ARHGEF11: variants seen among roughly 807,000 people sequenced by gnomAD.
The protein encoded by ARHGEF11 is Rho guanine nucleotide exchange factor 11.
Under a neutral mutation model 193.7 loss-of-function variants are expected in ARHGEF11, and 55 were observed. That is an observed-to-expected ratio of 0.28 (90% CI 0.23 to 0.36). ARHGEF11 has a LOEUF of 0.36. ARHGEF11 is among the 10% of genes least tolerant of loss of function. ARHGEF11 has a pLI of 1.00. For synonymous variants in ARHGEF11, 693 were observed against 768.0 expected (o/e 0.90, Z 1.62); for missense variants, 1,723 against 2,005.6 (o/e 0.86, Z 2.69).
chr1:157,018,649 G>GA (rs1052018208), intron 1 of ARHGEF11, among the ~76,000 whole-genome samples: 241 of 76,460 alleles, frequency 3.2e-3, no homozygotes, highest in Admixed American at 3.6e-3. Context: ...GTCTCAAAAA[G>GA]AAAAAAAAAA....
chr1:156,939,733 T>C lies in ARHGEF11; in HGVS notation c.3911A>G (p.Asn1304Ser). 2 of 1,614,076 alleles carry C rather than the reference T, an allele frequency of 1.2e-6. No individual in the cohort carries two copies. Among genetic ancestry groups the C allele is most frequent in the South Asian group, 1.1e-5 (1 of 91,078 alleles). Residue 1304 changes from asparagine (N) to serine (S), a missense_variant, in exon 37 of 41, where the codon AAC becomes AGC. By Grantham distance (46) the Asn-to-Ser change is conservative. Coordinates refer to ENST00000368194, the MANE Select transcript of ARHGEF11 (RefSeq NM_198236.3). ...CCCCTCCAGCCCTGCAAGCTGGGTGTTGTCCCCTTCACCCCCAGGGGGTGC... is the reference window on the plus strand; with the variant it reads ...CCCCTCCAGCCCTGCAAGCTGGGTGCTGTCCCCTTCACCCCCAGGGGGTGC... ...GQAPPGGEGD[N>S]TQLAGLEGER...
intron 7 of ARHGEF11, among the ~76,000 whole-genome samples, chr1:156,975,942 T>TTAATACTGGTTG (rs1372449708): frequency 1.3e-5 from 2 of 152,222 alleles, no homozygotes; most frequent in African/African-American, 4.8e-5. Flanking sequence ...CTTGAACCAG[T>TTAATACTGGTTG]ATTATACTGT....
At chr1:156,991,358 C>T (rs577607284) in intron 1 of ARHGEF11, among the ~76,000 whole-genome samples, 2 of 152,296 alleles carry the variant, frequency 1.3e-5, no homozygotes, top group Non-Finnish European at 2.9e-5. Context: ...TTCACTCCGT[C>T]GCCCAGACTA....
At chr1:156,952,104 A>G (rs898074031) in intron 21 of ARHGEF11, among the ~76,000 whole-genome samples, 1 of 152,136 alleles carries the variant, frequency 6.6e-6, no homozygotes, top group African/African-American at 2.4e-5. Flanking sequence ...TTGCCAAAAT[A>G]TATCAGACAT....
chr1:156,986,332 C>T (rs1664915819), intron 1 of ARHGEF11, among the ~76,000 whole-genome samples, 159 bp from the exon 2 acceptor site: 1 of 152,132 alleles, frequency 6.6e-6, no homozygotes, highest in Non-Finnish European at 1.5e-5. Flanking sequence ...GCCATGTGTA[C>T]ACCACTGGTA....
chr1:156,936,812 T>G lies in ARHGEF11; in HGVS notation c.4630+4A>C. On this transcript the variant is annotated splice_donor_region_variant and intron_variant, in intron 40 of 40. Coordinates refer to ENST00000368194, the MANE Select transcript of ARHGEF11 (RefSeq NM_198236.3). ...GGAACCGAGAGGGACCTGGCTTCAC[T>G]CACCATCCTCAGGGCAGGGCCCCAG... 6.2e-7 allele frequency: 1 copy of G among 1,611,800 alleles called. No homozygotes were observed. The highest frequency in any genetic ancestry group is 8.5e-7 in the Non-Finnish European group (1 of 1,178,556).
intron 1 of ARHGEF11, among the ~76,000 whole-genome samples, chr1:157,012,319 G>A (rs548774720): frequency 1.1e-4 from 16 of 152,202 alleles, no homozygotes; most frequent in African/African-American, 3.1e-4. Flanking sequence ...TGGCTAACTG[G>A]GGCAGGGATG....
At chr1:156,961,802 G>A in intron 13 of ARHGEF11, 27 bp from the exon 14 acceptor site, 1 of 1,599,792 alleles carries the variant, frequency 6.3e-7, no homozygotes, top group South Asian at 1.1e-5. Context: ...CTGGGTTAGA[G>A]CAGTGGTTCT....
At chr1:157,046,231 G>GCCGCCA (rs766191450), upstream of ARHGEF11, among the ~76,000 whole-genome samples, 11,337 of 143,978 alleles carry the variant, frequency 0.079, 519 homozygotes, top group Non-Finnish European at 0.096. Context: ...CGTCCCCGCC[G>GCCGCCA]CCGCCACCGC....
In ARHGEF11 at chr1:156,970,014, G is replaced by T; in HGVS notation, c.732C>A (p.Ser244Arg). 6.2e-7 allele frequency: 1 copy of T among 1,614,006 alleles called. No individual in the cohort carries two copies. Among genetic ancestry groups the T allele is most frequent in the Non-Finnish European group, 8.5e-7 (1 of 1,179,904 alleles). Reference sequence around the variant, plus strand: ...GGGACTTACCTTCTGATGGTCTCTGGCTGGTGTCACCATATAGTGGAAGTA... The same window carrying T: ...GGGACTTACCTTCTGATGGTCTCTGTCTGGTGTCACCATATAGTGGAAGTA... ...VDILPLYGDTSQRPSEGRLSL... is the reference protein window; with the variant it reads ...VDILPLYGDTRQRPSEGRLSL... The change falls in exon 9 of 41, where the codon AGC (serine) becomes AGA (arginine). Residue 244 changes from serine (S) to arginine (R), a missense_variant. Physicochemically the swap from Ser to Arg is moderately radical, Grantham distance 110 (BLOSUM62 -1). Transcript: ENST00000368194.
chr1:156,980,529 C>G, intron 3 of ARHGEF11, 43 bp from the exon 4 acceptor site: 1 of 1,564,692 alleles, frequency 6.4e-7, no homozygotes, highest in South Asian at 1.2e-5. Context: ...ACAACCTCTT[C>G]CACTGAAGCT....
At chr1:157,003,667 C>T (rs767157222) in intron 1 of ARHGEF11, among the ~76,000 whole-genome samples, 1 of 152,244 alleles carries the variant, frequency 6.6e-6, no homozygotes, top group Non-Finnish European at 1.5e-5. Flanking sequence ...GCCAGCCTCA[C>T]TAAGCCAGCC....
chr1:156,946,212 C>A, intron 28 of ARHGEF11, 50 bp from the exon 29 acceptor site: 1 of 1,538,294 alleles, frequency 6.5e-7, no homozygotes, highest in Non-Finnish European at 8.9e-7. Flanking sequence ...TGGCTGGGAG[C>A]TGGCTTATGG....
At chr1:156,976,167 G>C (rs937096287) in intron 7 of ARHGEF11, among the ~76,000 whole-genome samples, 2 of 152,244 alleles carry the variant, frequency 1.3e-5, no homozygotes, top group East Asian at 1.9e-4. Flanking sequence ...CTCAGTGCTT[G>C]TGAAATAAAT....
intron 1 of ARHGEF11, among the ~76,000 whole-genome samples, chr1:157,012,912 T>C (rs1022776163): frequency 6.6e-6 from 1 of 152,184 alleles, no homozygotes; most frequent in Non-Finnish European, 1.5e-5. Context: ...AGAAACATTA[T>C]AGCTAGGTCT....
At chr1:156,978,141 C>G in intron 6 of ARHGEF11, 63 bp downstream of exon 6, 1 of 1,602,198 alleles carries the variant, frequency 6.2e-7, no homozygotes, top group African/African-American at 1.3e-5. Context: ...TTGCTTTCCT[C>G]CCCAATGCGG....
intron 4 of ARHGEF11, among the ~76,000 whole-genome samples, chr1:156,979,719 C>T (rs2102406747): frequency 1.3e-5 from 2 of 152,326 alleles, no homozygotes; most frequent in East Asian, 3.9e-4. Flanking sequence ...CTCCTCTGGT[C>T]ACTTGTTTAC....
upstream of ARHGEF11, among the ~76,000 whole-genome samples, chr1:157,046,091 C>A (rs1008486718): frequency 6.6e-6 from 1 of 151,152 alleles, no homozygotes; most frequent in African/African-American, 2.4e-5. Context: ...CGCTCCTCGG[C>A]CGGTCCCCTC....
chr1:156,982,026 C>T (rs577726755), intron 3 of ARHGEF11, among the ~76,000 whole-genome samples: 2 of 152,260 alleles, frequency 1.3e-5, no homozygotes, highest in Non-Finnish European at 2.9e-5. Context: ...CTTTTCAATA[C>T]TGGGACTCAA....
Sources: allele counts gnomAD v4.1 joint callset (sites outside exome capture counted in the v4.1 genomes callset), GRCh38; gene constraint gnomAD v4.1.1; transcripts MANE v1.5; gene names NCBI Gene and HGNC (gene_info 2026-07-23, HGNC 2026-07-21).